GATAD2B: variants seen among roughly 807,000 people sequenced by gnomAD.
The protein encoded by GATAD2B is GATA zinc finger domain containing 2B, also known as transcriptional repressor p66-beta.
A neutral mutation model predicts 64.3 loss-of-function variants in GATAD2B; 8 were observed. The ratio of observed to expected loss-of-function variants is 0.12; its 90% confidence interval spans 0.07 to 0.22. The LOEUF (loss-of-function observed/expected upper bound fraction) is 0.22. GATAD2B is among the 10% of genes least tolerant of loss of function. The pLI, the probability that GATAD2B is intolerant of heterozygous loss-of-function variation, is 1.00. For synonymous variants in GATAD2B, 281 were observed against 271.3 expected, an observed-to-expected ratio of 1.04 and a Z score of -0.35; for missense variants, 453 against 752.0, an observed-to-expected ratio of 0.60 and a Z score of 4.65.
At chr1:153,873,107 C>T (rs1676721252) in intron 1 of GATAD2B, among the ~76,000 whole-genome samples, 1 of 152,054 alleles carries the variant, frequency 6.6e-6, no homozygotes, top group Admixed American at 6.6e-5. Flanking sequence ...CAAATGTTAA[C>T]ACAGGGAAGA....
At chr1:153,880,653 G>A (rs1376821870) in intron 1 of GATAD2B, among the ~76,000 whole-genome samples, 1 of 151,654 alleles carries the variant, frequency 6.6e-6, no homozygotes, top group Non-Finnish European at 1.5e-5. Flanking sequence ...CCACCAGCCT[G>A]GACAACACAG....
chr1:153,817,788 T>G (rs776769657), intron 5 of GATAD2B, among the ~76,000 whole-genome samples: 1 of 152,120 alleles, frequency 6.6e-6, no homozygotes, highest in Non-Finnish European at 1.5e-5. Context: ...TAGGGTTAGA[T>G]AGAAAACTAT....
intron 1 of GATAD2B, among the ~76,000 whole-genome samples, chr1:153,874,169 G>C (rs1322414474): frequency 1.3e-5 from 2 of 151,816 alleles, no homozygotes; most frequent in Non-Finnish European, 2.9e-5. Flanking sequence ...GGCTGAGGCA[G>C]GAGAATCGCT....
In GATAD2B at chr1:153,807,629, A is replaced by G. The variant is rs1163594643; in HGVS notation, c.*2548T>C. On this transcript the variant is annotated 3_prime_UTR_variant, in exon 11 of 11. Coordinates refer to ENST00000368655, the MANE Select transcript of GATAD2B (RefSeq NM_020699.4). Reference sequence around the variant, plus strand: ...ATCTCCCCTGTGACCTCAGCACCTAAGCAGGCACTCGACTATAGGCTTTCC... The same window carrying G: ...ATCTCCCCTGTGACCTCAGCACCTAGGCAGGCACTCGACTATAGGCTTTCC... The G allele has an allele frequency of 6.6e-6, 1 of 152,666 alleles. No individual in the cohort carries two copies. The highest frequency in any genetic ancestry group is 1.5e-5 in the Non-Finnish European group (1 of 68,088). 9.5% of individuals were successfully genotyped at this position (152,666 alleles called of 1,614,324 possible). A position where few individuals can be genotyped will look rare whatever the true frequency, so the allele number is the denominator to read the frequency against.
At chr1:153,863,149 G>A (rs1474033515) in intron 1 of GATAD2B, among the ~76,000 whole-genome samples, 1 of 152,066 alleles carries the variant, frequency 6.6e-6, no homozygotes, top group Non-Finnish European at 1.5e-5. Flanking sequence ...TTATTACTAG[G>A]CACTGTAAGA....
At chr1:153,880,985 TA>T (rs1676992150) in intron 1 of GATAD2B, among the ~76,000 whole-genome samples, 1 of 152,046 alleles carries the variant, frequency 6.6e-6, no homozygotes. Flanking sequence ...GAAAAAAGTG[TA>T]TGTGTGGATG....
intron 1 of GATAD2B, chr1:153,922,089 T>A (rs1332212133): frequency 6.6e-6 from 1 of 152,168 alleles, no homozygotes; most frequent in African/African-American, 2.4e-5. Flanking sequence ...TCTCTTCCCC[T>A]ACGGGAGGGC....
intron 1 of GATAD2B, among the ~76,000 whole-genome samples, chr1:153,909,707 G>A (rs1048006938): frequency 1.3e-5 from 2 of 149,988 alleles, no homozygotes; most frequent in Non-Finnish European, 3.0e-5. Context: ...CTGAGGGGGC[G>A]GGGGGGCAGA....
intron 1 of GATAD2B, among the ~76,000 whole-genome samples, chr1:153,909,446 C>A (rs1328088274): frequency 2.0e-5 from 3 of 151,618 alleles, no homozygotes; most frequent in Admixed American, 6.6e-5. Flanking sequence ...ATGATCCACC[C>A]GCCTTGGCCT....
At chr1:153,856,019 T>C (rs905141236) in intron 1 of GATAD2B, among the ~76,000 whole-genome samples, 1 of 152,162 alleles carries the variant, frequency 6.6e-6, no homozygotes, top group Non-Finnish European at 1.5e-5. Flanking sequence ...TAGAGGAAAA[T>C]CCATTGTCCT....
intron 1 of GATAD2B, among the ~76,000 whole-genome samples, chr1:153,918,561 C>T (rs1322101105): frequency 6.6e-6 from 1 of 152,090 alleles, no homozygotes; most frequent in African/African-American, 2.4e-5. Flanking sequence ...TAAATTCCAC[C>T]CTCCCTTGAA....
Position 153,817,388 on chromosome 1 carries a change from G to A in GATAD2B, c.884C>T (p.Ala295Val), listed in dbSNP as rs370446862. Residue 295 changes from alanine to valine, a missense_variant, in exon 6 of 11, where the codon GCC becomes GTC. Ala to Val is a moderately conservative substitution (Grantham distance 64, BLOSUM62 0). This residue lies in a region of GATAD2B where 293 missense variants were observed against 417.2 expected (regional missense o/e 0.70). Coordinates refer to ENST00000368655, the MANE Select transcript of GATAD2B (RefSeq NM_020699.4). Reference protein sequence around the residue: ...VRTTTPNMNPAINYQPQSSSS... With the variant: ...VRTTTPNMNPVINYQPQSSSS... The stretch of plus-strand genomic sequence containing the variant: ...CTCTCTTACCGGTTGATAATTGATG[G>A]CGGGATTCATGTTGGGTGTTGTGGT... The A allele has an allele frequency of 2.1e-5, 33 of 1,574,008 alleles. No individual in the cohort carries two copies. Among genetic ancestry groups the A allele is most frequent in the Non-Finnish European group, 2.8e-5 (32 of 1,163,048 alleles).
chr1:153,813,511 A>T, intron 7 of GATAD2B, 59 bp from the exon 8 acceptor site: 1 of 1,124,198 alleles, frequency 8.9e-7, no homozygotes, highest in Non-Finnish European at 1.3e-6. Context: ...TGTTTCTCTT[A>T]ATCAAATAGA....
At chr1:153,869,618 T>C (rs372111779) in intron 1 of GATAD2B, among the ~76,000 whole-genome samples, 36 of 152,280 alleles carry the variant, frequency 2.4e-4, no homozygotes, top group African/African-American at 7.9e-4. Flanking sequence ...TTATCTGCCC[T>C]AGCCATGTCT....
At chr1:153,842,899 C>T (rs1284558740) in intron 1 of GATAD2B, among the ~76,000 whole-genome samples, 12 of 151,506 alleles carry the variant, frequency 7.9e-5, no homozygotes, top group Non-Finnish European at 1.6e-4. Context: ...AGGTGATCTG[C>T]CCGCCTCGGC....
At chr1:153,822,305 T>A (rs1375145575) in intron 2 of GATAD2B, among the ~76,000 whole-genome samples, 1 of 152,220 alleles carries the variant, frequency 6.6e-6, no homozygotes, top group East Asian at 1.9e-4. Context: ...ATTTCTAAGG[T>A]AAGGAATTCT....
At chr1:153,897,565 T>C (rs1056412631) in intron 1 of GATAD2B, among the ~76,000 whole-genome samples, 1 of 152,134 alleles carries the variant, frequency 6.6e-6, no homozygotes, top group African/African-American at 2.4e-5. Context: ...CTCAGGAAAA[T>C]AACTGATAAG....
At chr1:153,814,942 C>T (rs1160741165) in intron 7 of GATAD2B, among the ~76,000 whole-genome samples, 1 of 150,086 alleles carries the variant, frequency 6.7e-6, no homozygotes, top group African/African-American at 2.5e-5. Flanking sequence ...TGCCATTGCA[C>T]TCTCTAGCCT....
chr1:153,896,956 T>C (rs769348753), intron 1 of GATAD2B, among the ~76,000 whole-genome samples: 3 of 152,176 alleles, frequency 2.0e-5, no homozygotes, highest in Admixed American at 1.3e-4. Context: ...AAAAGAGAAA[T>C]TGGTTAAACA....
Sources: gnomAD v4.1 joint callset for allele counts (sites outside exome capture counted in the v4.1 genomes callset) on GRCh38, gnomAD v4.1.1 for gene constraint, gnomAD v4.1.1 regional missense constraint, MANE v1.5 for transcripts, NCBI Gene and HGNC (gene_info 2026-07-23, HGNC 2026-07-21) for gene names.